The following LEPR variants were observed in gnomAD, a reference collection of about 807,000 sequenced individuals.
LEPR encodes the protein OB receptor.
In LEPR, 56 loss-of-function variants were observed where a neutral mutation model predicts 114.7. The observed-to-expected ratio is 0.49, with a 90% CI of 0.39 to 0.61. LEPR has a LOEUF of 0.61. LEPR is among the 20% of genes least tolerant of loss of function. The pLI is 0.00. For synonymous variants in LEPR, 443 were observed against 461.4 expected (o/e 0.96, Z 0.51); for missense variants, 1,202 against 1,352.9 (o/e 0.89, Z 1.75).
intron 2 of LEPR, among the ~76,000 whole-genome samples, chr1:65,509,108 A>G (rs563475378): frequency 2.0e-5 from 3 of 152,242 alleles, no homozygotes; most frequent in African/African-American, 7.2e-5. Context: ...AGGATTTTCC[A>G]TCTATAAGAG....
chr1:65,445,171 G>A (rs911695008), intron 2 of LEPR, among the ~76,000 whole-genome samples: 2 of 152,148 alleles, frequency 1.3e-5, no homozygotes, highest in African/African-American at 4.8e-5. Flanking sequence ...CCTTATCTAT[G>A]GCTGAAAACT....
intron 2 of LEPR, among the ~76,000 whole-genome samples, chr1:65,518,429 A>C (rs148331097): frequency 6.6e-6 from 1 of 152,246 alleles, no homozygotes; most frequent in Non-Finnish European, 1.5e-5. Flanking sequence ...TGTGTGACTG[A>C]ATACTGATTT....
chr1:65,617,405 A>G (rs1158471143), intron 15 of LEPR, among the ~76,000 whole-genome samples: 2 of 152,222 alleles, frequency 1.3e-5, no homozygotes, highest in African/African-American at 4.8e-5. Context: ...CAGGAAAAGC[A>G]TTGGCTCCTA....
intron 14 of LEPR, 37 bp from the exon 15 acceptor site, chr1:65,615,971 C>A (rs373355975): frequency 5.6e-6 from 9 of 1,611,788 alleles, no homozygotes; most frequent in Middle Eastern, 1.6e-4. Context: ...AAAAGCACTG[C>A]AGCCCTTAAA....
At chr1:65,543,048 C>A (rs563649599) in intron 2 of LEPR, among the ~76,000 whole-genome samples, 2 of 152,108 alleles carry the variant, frequency 1.3e-5, no homozygotes, top group East Asian at 3.9e-4. Flanking sequence ...CTGTCTTCCA[C>A]AATGGTTGAA....
At chr1:65,457,674 CCTTT>C (rs1646894656) in intron 2 of LEPR, among the ~76,000 whole-genome samples, 2 of 152,172 alleles carry the variant, frequency 1.3e-5, no homozygotes, top group South Asian at 4.1e-4. Context: ...CACCTCTTCC[CCTTT>C]CTGAGTCTTC....
rs564479875 is a variant in LEPR at position 65,435,740 on chromosome 1, A to G, written c.-21+10362A>G. On this transcript the variant is annotated intron_variant, in intron 2 of 19. Transcript: ENST00000349533. Reference sequence around the variant, plus strand: ...GAACCAAAATATTTATGAGGATGCTAGCATTTTCCAAGCATAGTAATTAGT... The same window carrying G: ...GAACCAAAATATTTATGAGGATGCTGGCATTTTCCAAGCATAGTAATTAGT... The G allele has an allele frequency of 4.1e-6, 4 of 985,154 alleles. No individual in the cohort carries two copies. The African/African-American group carries it at 5.2e-5, about 13-fold the overall frequency. 61.0% of individuals were successfully genotyped at this position (985,154 alleles called of 1,614,324 possible). A position where few individuals can be genotyped will look rare whatever the true frequency, so the allele number is the denominator to read the frequency against.
At chr1:65,453,845 T>A (rs1259189229) in intron 2 of LEPR, among the ~76,000 whole-genome samples, 1 of 151,838 alleles carries the variant, frequency 6.6e-6, no homozygotes, top group Non-Finnish European at 1.5e-5. Flanking sequence ...CTTGTTGACT[T>A]TCTGTCTCGT....
At chr1:65,613,110 CTA>C (rs1477606232) in intron 14 of LEPR, among the ~76,000 whole-genome samples, 1 of 152,142 alleles carries the variant, frequency 6.6e-6, no homozygotes, top group Non-Finnish European at 1.5e-5. Context: ...CCCACATTAA[CTA>C]TTTTATTTAT....
intron 14 of LEPR, among the ~76,000 whole-genome samples, chr1:65,613,130 T>C (rs796970190): frequency 1.2e-4 from 18 of 152,318 alleles, no homozygotes; most frequent in African/African-American, 4.1e-4. Flanking sequence ...TATTCAATCA[T>C]TTATTTATAT....
chr1:65,507,491 A>ATG (rs200960679), intron 2 of LEPR, among the ~76,000 whole-genome samples: 1 of 141,784 alleles, frequency 7.1e-6, no homozygotes, highest in Non-Finnish European at 1.5e-5. Flanking sequence ...ATATGTATAT[A>ATG]TGTGTGTGTA....
At chr1:65,460,654 C>T (rs1280504884) in intron 2 of LEPR, among the ~76,000 whole-genome samples, 2 of 152,060 alleles carry the variant, frequency 1.3e-5, no homozygotes, top group African/African-American at 2.4e-5. Context: ...GGAGGCCGTT[C>T]GAGACCAGCC....
intron 2 of LEPR, among the ~76,000 whole-genome samples, chr1:65,467,686 C>T (rs1342072435): frequency 6.6e-6 from 1 of 152,210 alleles, no homozygotes; most frequent in African/African-American, 2.4e-5. Flanking sequence ...CTGCGGTGGG[C>T]TCCACCCAGT....
chr1:65,452,413 G>A (rs1209513085), intron 2 of LEPR, among the ~76,000 whole-genome samples: 2 of 148,734 alleles, frequency 1.3e-5, no homozygotes, highest in African/African-American at 2.5e-5. Context: ...TTGGCTGTGG[G>A]TTTGTCATAG....
At chr1:65,620,484 A>C (rs1469772873) in intron 17 of LEPR, among the ~76,000 whole-genome samples, 1 of 152,240 alleles carries the variant, frequency 6.6e-6, no homozygotes, top group Non-Finnish European at 1.5e-5. Flanking sequence ...CTTAAATACC[A>C]GTGCTCTAAT....
At chr1:65,435,627 A>C in intron 2 of LEPR, 8 of 940,882 alleles carry the variant, frequency 8.5e-6, no homozygotes, top group Non-Finnish European at 8.9e-6. Flanking sequence ...TCTGCCTCCC[A>C]AAGTGCTGGG....
intron 2 of LEPR, among the ~76,000 whole-genome samples, chr1:65,443,583 G>A (rs1446732863): frequency 6.6e-6 from 1 of 151,872 alleles, no homozygotes; most frequent in Non-Finnish European, 1.5e-5. Context: ...AAATACTAAG[G>A]GATAAAGTAT....
chr1:65,613,473 GCCGGGCGCGGTGGCT>G (rs1657310204), intron 14 of LEPR, among the ~76,000 whole-genome samples: 1 of 142,852 alleles, frequency 7.0e-6, no homozygotes, highest in African/African-American at 2.5e-5. Context: ...TTCAACAGGG[GCCGGGCGCGGTGGCT>G]CACGCCTGTA....
At chr1:65,431,947 ATTTC>A (rs1310052666) in intron 2 of LEPR, 2 of 1,606,022 alleles carry the variant, frequency 1.2e-6, no homozygotes, top group Non-Finnish European at 1.7e-6. Context: ...AGTGCATTGA[ATTTC>A]TTAGAACTCA....
Sources: allele counts gnomAD v4.1 joint callset (sites outside exome capture counted in the v4.1 genomes callset), GRCh38; gene constraint gnomAD v4.1.1; transcripts MANE v1.5; gene names NCBI Gene and HGNC (gene_info 2026-07-23, HGNC 2026-07-21).